HIVEP3: variants seen among roughly 807,000 people sequenced by gnomAD.
The protein encoded by HIVEP3 is HIVEP zinc finger 3, also known as transcription factor HIVEP3.
HIVEP3 carries 49 observed loss-of-function variants against 152.8 expected under a neutral mutation model. The observed-to-expected ratio is 0.32, with a 90% CI of 0.26 to 0.41. The LOEUF is 0.41. Among genes scored for constraint, HIVEP3 ranks in the 10% least tolerant of loss-of-function variants. The probability of loss-of-function intolerance (pLI) is 1.00; values close to 1 mark genes in which losing one functional copy is unlikely to be tolerated. For synonymous variants in HIVEP3, 1,269 were observed against 1,289.0 expected, an observed-to-expected ratio of 0.98 and a Z score of 0.33; for missense variants, 2,790 against 3,103.3, an observed-to-expected ratio of 0.90 and a Z score of 2.40.
chr1:41,692,203 C>A (rs1260373218), intron 2 of HIVEP3, among the ~76,000 whole-genome samples: 1 of 152,216 alleles, frequency 6.6e-6, no homozygotes, highest in Non-Finnish European at 1.5e-5. Flanking sequence ...ATGAGGCGAC[C>A]TTCTGCCTTC....
intron 2 of HIVEP3, among the ~76,000 whole-genome samples, chr1:41,637,795 GA>G (rs1327793266): frequency 8.5e-5 from 13 of 152,228 alleles, no homozygotes; most frequent in Non-Finnish European, 1.5e-4. Context: ...TTTGTAATTT[GA>G]AAATGATATA....
chr1:41,872,123 G>A (rs772134001), intron 1 of HIVEP3, among the ~76,000 whole-genome samples: 15 of 152,240 alleles, frequency 9.9e-5, no homozygotes, highest in African/African-American at 3.6e-4. Context: ...AACTTCAGCC[G>A]AATTAAATTT....
intron 1 of HIVEP3, among the ~76,000 whole-genome samples, chr1:41,801,762 A>T (rs910630544): frequency 1.8e-4 from 26 of 148,162 alleles, no homozygotes; most frequent in Non-Finnish European, 2.4e-4. Flanking sequence ...AAAATAAGAT[A>T]AAAAAAAAAT....
chr1:41,584,618 C>G lies in HIVEP3; in HGVS notation c.180G>C (p.Pro60=). The G allele has an allele frequency of 6.2e-7, 1 of 1,609,770 alleles. No homozygotes were observed. The highest frequency in any genetic ancestry group is 1.1e-5 in the South Asian group (1 of 90,660). The stretch of plus-strand genomic sequence containing the variant: ...CTTCCCTAAGAACTGATGAGGGGCC[C>G]GGGAAGGGCTGCGGGGCTAAGAGCT... The part of the protein sequence containing the change: ...AQELLAPQPF[P]GPSSVLREGS... Residue 60 remains proline (P), a synonymous_variant, in exon 4 of 9, where the codon CCG becomes CCC. Coordinates refer to ENST00000372583, the MANE Select transcript of HIVEP3 (RefSeq NM_024503.5). This position sits in a 1 kb window ranked among gnomAD's most constrained non-coding sequence, Gnocchi z 5.2.
intron 2 of HIVEP3, 49 bp from the exon 3 acceptor site, chr1:41,628,996 T>A (rs1229300878): frequency 1.7e-6 from 2 of 1,201,950 alleles, no homozygotes; most frequent in Admixed American, 4.3e-5. Context: ...CTTGGTCAAC[T>A]TTTTTAGACA....
At chr1:41,679,136 G>A (rs1646000527) in intron 2 of HIVEP3, among the ~76,000 whole-genome samples, 1 of 152,224 alleles carries the variant, frequency 6.6e-6, no homozygotes, top group South Asian at 2.1e-4. Context: ...CATGGAGGCA[G>A]AGGCTGGCAC....
chr1:41,868,577 C>T (rs1644024156), intron 1 of HIVEP3, among the ~76,000 whole-genome samples: 1 of 152,200 alleles, frequency 6.6e-6, no homozygotes, highest in African/African-American at 2.4e-5. Flanking sequence ...CATATTCCAA[C>T]TGAACTAGTC....
chr1:41,790,639 T>C (rs349436), intron 1 of HIVEP3, among the ~76,000 whole-genome samples: 92,886 of 151,840 alleles, frequency 0.61, 29,682 homozygotes, highest in African/African-American at 0.81. Flanking sequence ...CAAGAGCAAG[T>C]ACCTCCCGCC....
chr1:41,620,612 C>T (rs2149141090), intron 3 of HIVEP3, among the ~76,000 whole-genome samples: 1 of 152,292 alleles, frequency 6.6e-6, no homozygotes, highest in South Asian at 2.1e-4. Flanking sequence ...CACACATCAC[C>T]TGCCCCACCC....
rs1644373920 is a variant in HIVEP3, at chr1:41,579,848, G to A, written c.4950C>T (p.Leu1650=). The change falls in exon 4 of 9, where the codon CTC becomes CTT. Residue 1650 remains leucine, a synonymous_variant. Transcript: ENST00000372583. ...TGCTCACTTTCTGCTTAGACCTCAG[G>A]AGGGACAAAGCAGCTTTAGTGGAAA... ...PGVSTKAALS[L]LRSKQKVSKE... 1 of 1,614,190 alleles carries A rather than the reference G, an allele frequency of 6.2e-7. No individual in the cohort carries two copies. Among genetic ancestry groups the A allele is most frequent in the East Asian group, 2.2e-5 (1 of 44,884 alleles).
At chr1:41,710,670 G>A (rs1558199791) in intron 1 of HIVEP3, among the ~76,000 whole-genome samples, 2 of 152,170 alleles carry the variant, frequency 1.3e-5, no homozygotes, top group African/African-American at 4.8e-5. Context: ...ACTGTGTCCT[G>A]TGTCTAGAAA....
intron 5 of HIVEP3, among the ~76,000 whole-genome samples, chr1:41,545,707 C>CCAT (rs1643779096): frequency 7.0e-6 from 1 of 142,886 alleles, no homozygotes; most frequent in East Asian, 2.1e-4. Flanking sequence ...ACCACCACCA[C>CCAT]CACCACCACC....
intron 2 of HIVEP3, among the ~76,000 whole-genome samples, chr1:41,692,173 G>A (rs1340368082): frequency 2.0e-5 from 3 of 152,212 alleles, no homozygotes; most frequent in Non-Finnish European, 1.5e-5. Flanking sequence ...CCTAATGTGC[G>A]TGTTCCCAGA....
Position 41,569,244 on chromosome 1 carries a change from T to C in HIVEP3, c.5207+6300A>G, listed in dbSNP as rs184922275. ...CAAGAACTGACTACTATACCCATCT[T>C]TGACCACTTAAAAGACTTTAAAGAG... is the stretch of plus-strand genomic sequence containing the variant. On this transcript the variant is annotated intron_variant, in intron 5 of 8. Coordinates refer to ENST00000372583, the MANE Select transcript of HIVEP3 (RefSeq NM_024503.5). Among the ~76,000 whole-genome samples the C allele has an allele frequency of 2.0e-5, 3 of 152,324 alleles. No homozygotes were observed. In the East Asian group the frequency reaches 5.8e-4, roughly 29 times the overall value.
At chr1:41,737,299 G>GTT in intron 1 of HIVEP3, among the ~76,000 whole-genome samples, 1 of 152,296 alleles carries the variant, frequency 6.6e-6, no homozygotes, top group East Asian at 1.9e-4. Context: ...TACTGTGTGT[G>GTT]TAAGCAGGCA....
intron 5 of HIVEP3, among the ~76,000 whole-genome samples, chr1:41,528,904 C>T (rs1189793610): frequency 1.1e-4 from 15 of 139,668 alleles, no homozygotes; most frequent in East Asian, 2.3e-4. Flanking sequence ...CTCCACACCC[C>T]GCCCTCACAC....
chr1:41,874,662 G>A (rs984058425), intron 1 of HIVEP3, among the ~76,000 whole-genome samples: 2 of 152,164 alleles, frequency 1.3e-5, no homozygotes, highest in African/African-American at 2.4e-5. Context: ...GAGACTCCAC[G>A]GTACAGAAAG....
intron 1 of HIVEP3, among the ~76,000 whole-genome samples, chr1:41,960,514 A>G (rs1570846555): frequency 6.6e-6 from 1 of 152,304 alleles, no homozygotes; most frequent in East Asian, 1.9e-4. Flanking sequence ...GCCTCAAGAC[A>G]GGACAACCTG....
Position 41,953,657 on chromosome 1 carries a change from T to C in HIVEP3, n.120-35133A>G, listed in dbSNP as rs554758704. Among the ~76,000 whole-genome samples the C allele has an allele frequency of 3.9e-5, 6 of 152,298 alleles. No homozygotes were observed. In the South Asian group the frequency reaches 1.0e-3, roughly 26 times the overall value. On this transcript the variant is annotated intron_variant and non_coding_transcript_variant, in intron 1 of 3. Transcript: ENST00000489103. ...AGAAATGAATGAATGAGTACATGAA[T>C]GAATGAGTGAATGATCTGCCAAATC...
Sources: gnomAD v4.1 joint callset for allele counts (sites outside exome capture counted in the v4.1 genomes callset) on GRCh38, gnomAD v4.1.1 for gene constraint, Gnocchi (gnomAD v3.1) non-coding constraint, MANE v1.5 for transcripts, NCBI Gene and HGNC (gene_info 2026-07-23, HGNC 2026-07-21) for gene names.